PGAP2: variants seen among roughly 807,000 people sequenced by gnomAD.
PGAP2 encodes post-GPI attachment to proteins 2, also known as acyltransferase PGAP2.
A neutral mutation model predicts 33.2 loss-of-function variants in PGAP2; 21 were observed. That is an observed-to-expected ratio of 0.63 (90% CI 0.45 to 0.91). The LOEUF (loss-of-function observed/expected upper bound fraction) is 0.91. Ranked by LOEUF, PGAP2 falls within the 40% of genes least tolerant of loss-of-function variation. The pLI, the probability that PGAP2 is intolerant of heterozygous loss-of-function variation, is 0.00. For synonymous variants in PGAP2, 161 were observed against 172.9 expected, an observed-to-expected ratio of 0.93 and a Z score of 0.54; for missense variants, 345 against 424.0, an observed-to-expected ratio of 0.81 and a Z score of 1.64.
chr11:3,808,845 A>G (rs2084968944), intron 1 of PGAP2, among the ~76,000 whole-genome samples, 194 bp downstream of exon 1: 1 of 152,086 alleles, frequency 6.6e-6, no homozygotes, highest in Non-Finnish European at 1.5e-5. Flanking sequence ...CTCCCTCCCC[A>G]GCGTGGGGCC....
chr11:3,809,066 C>T (rs1265208338), intron 1 of PGAP2, among the ~76,000 whole-genome samples: 1 of 152,158 alleles, frequency 6.6e-6, no homozygotes, highest in African/African-American at 2.4e-5. Context: ...CAGGCTGTAG[C>T]ACCTACCTCA....
At chr11:3,802,912 C>T (rs1321616702) in intron 1 of PGAP2, among the ~76,000 whole-genome samples, 6 of 150,522 alleles carry the variant, frequency 4.0e-5, no homozygotes, top group African/African-American at 7.3e-5. Flanking sequence ...CTGCAAGCTC[C>T]GCCTCCCGGG....
chr11:3,799,551 T>C (rs955791759), intron 1 of PGAP2, among the ~76,000 whole-genome samples: 5 of 152,192 alleles, frequency 3.3e-5, no homozygotes, highest in Non-Finnish European at 5.9e-5. Context: ...CCTCCACCAC[T>C]ACTCCTTTGT....
Position 3,825,323 on chromosome 11 carries a change from A to AACAGTGAGGACAGTGAGG in PGAP2, c.819_820insAGGACAGTGAGGACAGTG. The AACAGTGAGGACAGTGAGG allele has an allele frequency of 6.2e-7, 1 of 1,613,036 alleles. No individual in the cohort carries two copies. Among genetic ancestry groups the AACAGTGAGGACAGTGAGG allele is most frequent in the Non-Finnish European group, 8.5e-7 (1 of 1,179,422 alleles). ...CATGTCCTGTTCCTTGTGTCCTCACAACAGTGTACACCATCTTTGCCATCC... is the reference window on the plus strand; with the variant it reads ...CATGTCCTGTTCCTTGTGTCCTCACAACAGTGAGGACAGTGAGGACAGTGTACACCATCTTTGCCATCC... On this transcript the variant is annotated splice_polypyrimidine_tract_variant and splice_region_variant and intron_variant, in intron 6 of 6. Transcript: ENST00000278243.
chr11:3,824,431 A>T, intron 5 of PGAP2, 55 bp downstream of exon 5: 1 of 1,613,874 alleles, frequency 6.2e-7, no homozygotes, highest in Non-Finnish European at 8.5e-7. Context: ...AATCAAGGAC[A>T]TCTGTCCTCA....
In PGAP2 at chr11:3,825,608, C is replaced by T. The variant is rs1223223610; in HGVS notation, c.*150C>T. The T allele has an allele frequency of 1.2e-5, 9 of 779,384 alleles. No homozygotes were observed. Among genetic ancestry groups the T allele is most frequent in the Non-Finnish European group, 1.6e-5 (8 of 504,882 alleles). 48.3% of individuals were successfully genotyped at this position (779,384 alleles called of 1,614,324 possible). A position where few individuals can be genotyped will look rare whatever the true frequency, so the allele number is the denominator to read the frequency against. On this transcript the variant is annotated 3_prime_UTR_variant, in exon 7 of 7. Coordinates refer to ENST00000278243, the MANE Select transcript of PGAP2 (RefSeq NM_014489.4). ...GAAGGGTGTAGGCCAAGGCTCACCC[C>T]AGTGCTGCTGGCTTCTCCTCTCCAC...
intron 3 of PGAP2, chr11:3,817,860 A>G (rs750410091): frequency 3.9e-6 from 2 of 508,258 alleles, no homozygotes; most frequent in Non-Finnish European, 7.6e-6. Context: ...CCTGGGCAAC[A>G]TGGTGAAACC....
chr11:3,821,934 CATG>C (rs1390764668), intron 3 of PGAP2, among the ~76,000 whole-genome samples: 2 of 150,770 alleles, frequency 1.3e-5, no homozygotes, highest in East Asian at 3.9e-4. Flanking sequence ...ATTAGCCAGG[CATG>C]GTGGTGGCTA....
chr11:3,802,475 A>G (rs1270456055), intron 1 of PGAP2, among the ~76,000 whole-genome samples: 1 of 152,162 alleles, frequency 6.6e-6, no homozygotes, highest in Non-Finnish European at 1.5e-5. Flanking sequence ...ACCCTTTTGG[A>G]GCCAAGCCCT....
At position 3,817,400 on chromosome 11, in the gene PGAP2, C is replaced by T. The variant is rs774934341; in HGVS notation, c.213C>T (p.Pro71=). The change falls in exon 3 of 7, where the codon CCC becomes CCT. Residue 71 remains proline, a synonymous_variant. Coordinates refer to ENST00000278243, the MANE Select transcript of PGAP2 (RefSeq NM_014489.4). ...MFSAASQPLD[P]DGTLFRLRFT... ...CTGCGGCCTCCCAGCCTTTGGACCC[C>T]GATGGGACCTTGTTCCGGCTTCGCT... 1.4e-5 allele frequency: 23 copies of T among 1,614,046 alleles called. No individual in the cohort carries two copies. Among genetic ancestry groups the T allele is most frequent in the Admixed American group, 5.0e-5 (3 of 59,998 alleles).
chr11:3,822,093 A>G (rs4910845), intron 3 of PGAP2, among the ~76,000 whole-genome samples: 127,281 of 151,466 alleles, frequency 0.84, 54,142 homozygotes, highest in Non-Finnish European at 0.92. Context: ...GGCCGGGCGC[A>G]GTGGCTCACG....
intron 1 of PGAP2, among the ~76,000 whole-genome samples, chr11:3,810,484 G>C (rs903751792): frequency 1.3e-5 from 2 of 152,166 alleles, no homozygotes; most frequent in Non-Finnish European, 2.9e-5. Flanking sequence ...CTTATCTAAG[G>C]GGGAAATCAC....
upstream of PGAP2, chr11:3,808,541 C>T: frequency 7.2e-7 from 1 of 1,392,642 alleles, no homozygotes. Flanking sequence ...GCCCCGAGAG[C>T]GCCGGCCCCG....
Position 3,825,321 on chromosome 11 carries a change from A to G in PGAP2, c.818-7A>G. The stretch of plus-strand genomic sequence containing the variant: ...ACCATGTCCTGTTCCTTGTGTCCTC[A>G]CAACAGTGTACACCATCTTTGCCAT... On this transcript the variant is annotated splice_region_variant and splice_polypyrimidine_tract_variant and intron_variant, in intron 6 of 6. Coordinates refer to ENST00000278243, the MANE Select transcript of PGAP2 (RefSeq NM_014489.4). 1.2e-6 allele frequency: 2 copies of G among 1,612,590 alleles called. No individual in the cohort carries two copies. Among genetic ancestry groups the G allele is most frequent in the Non-Finnish European group, 1.7e-6 (2 of 1,179,190 alleles).
At chr11:3,802,971 C>G (rs557932076) in intron 1 of PGAP2, among the ~76,000 whole-genome samples, 2,509 of 148,610 alleles carry the variant, frequency 0.017, 42 homozygotes, top group Non-Finnish European at 0.021. Flanking sequence ...GGACTACAGG[C>G]GCCTGCCACC....
Position 3,811,151 on chromosome 11 carries a change from G to A in PGAP2, c.-10-99G>A, listed in dbSNP as rs1246072782. 7.0e-6 allele frequency: 8 copies of A among 1,135,988 alleles called. No individual in the cohort carries two copies. The highest frequency in any genetic ancestry group is 2.5e-6 in the Non-Finnish European group (2 of 791,160). The allele number at this position is 1,135,988 out of a possible 1,614,324, so 70.4% of individuals were successfully genotyped here. A position where few individuals can be genotyped will look rare whatever the true frequency, so the allele number is the denominator to read the frequency against. On this transcript the variant is annotated intron_variant, in intron 1 of 6. Transcript: ENST00000278243. This position sits in a 1 kb window ranked among gnomAD's most constrained non-coding sequence, Gnocchi z 4.6. ...TCCTCCTCAGACTCCCCACCCCACA[G>A]CACACAGCTAATTTTAGGACTGAGC... is the stretch of plus-strand genomic sequence containing the variant.
intron 3 of PGAP2, chr11:3,822,920 C>A: frequency 6.6e-7 from 1 of 1,523,344 alleles, no homozygotes; most frequent in Non-Finnish European, 8.9e-7. Flanking sequence ...ACTGAAGCTT[C>A]AATAGGAGTT....
chr11:3,806,134 G>A (rs762965548), upstream of PGAP2, among the ~76,000 whole-genome samples: 3 of 152,082 alleles, frequency 2.0e-5, no homozygotes, highest in Non-Finnish European at 4.4e-5. Flanking sequence ...TGGGCATTGG[G>A]GGTAGTCTAG....
intron 3 of PGAP2, among the ~76,000 whole-genome samples, chr11:3,822,175 T>G (rs1158198166): frequency 6.6e-6 from 1 of 151,532 alleles, no homozygotes; most frequent in Non-Finnish European, 1.5e-5. Flanking sequence ...CCATCCTGGC[T>G]AACACGGTGA....
Sources: allele counts gnomAD v4.1 joint callset (sites outside exome capture counted in the v4.1 genomes callset), GRCh38; gene constraint gnomAD v4.1.1; non-coding constraint Gnocchi (gnomAD v3.1); transcripts MANE v1.5; gene names NCBI Gene and HGNC (gene_info 2026-07-23, HGNC 2026-07-21).